Variants in FHIT observed in about 807,000 individuals in gnomAD.
FHIT encodes the protein fragile histidine triad diadenosine triphosphatase.
Under a neutral mutation model 17.9 loss-of-function variants are expected in FHIT, and 19 were observed. The ratio of observed to expected loss-of-function variants is 1.06; its 90% CI spans 0.74 to 1.56. The LOEUF is 1.56. FHIT is among the 40% of genes most tolerant of loss of function. FHIT has a pLI of 0.00. For missense variants in FHIT, 248 were observed against 189.2 expected (o/e 1.31, Z -1.82); for synonymous variants, 81 against 69.7 (o/e 1.16, Z -0.81).
intron 5 of FHIT, among the ~76,000 whole-genome samples, chr3:60,320,496 C>T (rs1048487744): frequency 2.0e-5 from 3 of 152,186 alleles, no homozygotes; most frequent in African/African-American, 7.2e-5. Flanking sequence ...GTTTTAACAG[C>T]TGTAACGCTA....
chr3:61,234,696 G>A (rs1345556750), intron 1 of FHIT, among the ~76,000 whole-genome samples: 1 of 152,084 alleles, frequency 6.6e-6, no homozygotes, highest in African/African-American at 2.4e-5. Flanking sequence ...TTCTTGTGCA[G>A]TTGGTAAGAA....
chr3:60,832,579 G>A (rs1254005850), intron 3 of FHIT, among the ~76,000 whole-genome samples: 3 of 151,872 alleles, frequency 2.0e-5, no homozygotes, highest in Admixed American at 6.6e-5. Context: ...AAACCAGCAA[G>A]AAAGAGATAC....
intron 5 of FHIT, among the ~76,000 whole-genome samples, chr3:60,191,262 T>TTATTTTTTATTAAAA (rs1702390418): frequency 1.3e-5 from 2 of 152,082 alleles, no homozygotes; most frequent in African/African-American, 4.8e-5. Flanking sequence ...ACAAAAATAA[T>TTATTTTTTATTAAAA]GCTTAAACAC....
At chr3:60,198,516 T>C (rs1474370507) in intron 5 of FHIT, among the ~76,000 whole-genome samples, 1 of 150,824 alleles carries the variant, frequency 6.6e-6, no homozygotes, top group Non-Finnish European at 1.5e-5. Flanking sequence ...AGGTGAGATA[T>C]GCAAGATAGC....
In FHIT at chr3:60,564,190, C is replaced by T. The variant is rs544506480; in HGVS notation, c.-17-27211G>A. 1.2e-4 allele frequency among the ~76,000 whole-genome samples: 18 copies of T among 152,200 alleles called. No homozygotes were observed. In the South Asian group the frequency reaches 1.7e-3, roughly 14 times the overall value. ...TGCTCTGTAAATGGAACAACAAAGC[C>T]GGGATGACAGCACATCTGTCTGTTG... is the stretch of plus-strand genomic sequence containing the variant. On this transcript the variant is annotated intron_variant, in intron 4 of 9. Coordinates refer to ENST00000492590, the MANE Select transcript of FHIT (RefSeq NM_002012.4).
intron 4 of FHIT, among the ~76,000 whole-genome samples, chr3:60,767,417 A>G (rs1220562642): frequency 3.4e-4 from 51 of 152,194 alleles, no homozygotes; most frequent in Admixed American, 2.9e-3. Flanking sequence ...GTAGGAACTT[A>G]TATTTCCCAT....
rs145200295 is a variant in FHIT at position 60,748,908 on chromosome 3, G to A, written c.-18+73011C>T. ...TACATTGTATTGTTTAAGCAATAAT[G>A]ACAAGAGAAAAAAGTCTATACATGT... On this transcript the variant is annotated intron_variant, in intron 4 of 9. Coordinates refer to ENST00000492590, the MANE Select transcript of FHIT (RefSeq NM_002012.4). Among the ~76,000 whole-genome samples the A allele has an allele frequency of 5.7e-4, 87 of 152,224 alleles. 1 individual carries two copies. In the South Asian group the frequency reaches 7.0e-3, roughly 12 times the overall value.
At chr3:60,225,740 A>C (rs1704167789) in intron 5 of FHIT, among the ~76,000 whole-genome samples, 1 of 152,206 alleles carries the variant, frequency 6.6e-6, no homozygotes, top group South Asian at 2.1e-4. Flanking sequence ...CTTTGGGATC[A>C]TCAAAACTGC....
chr3:61,135,898 A>G (rs973104949), intron 2 of FHIT, among the ~76,000 whole-genome samples: 4 of 152,216 alleles, frequency 2.6e-5, no homozygotes, highest in Non-Finnish European at 4.4e-5. Flanking sequence ...TGAAGTCAAA[A>G]AAAGCATCAT....
At chr3:59,858,624 CT>C (rs1390767852) in intron 8 of FHIT, among the ~76,000 whole-genome samples, 1 of 152,098 alleles carries the variant, frequency 6.6e-6, no homozygotes, top group East Asian at 1.9e-4. Context: ...TGCTCTGTAA[CT>C]GAACATGCAG....
chr3:60,156,033 C>T (rs79600328), intron 5 of FHIT, among the ~76,000 whole-genome samples: 3,164 of 152,158 alleles, frequency 0.021, 84 homozygotes, highest in East Asian at 0.081. Context: ...GGAACTGTTT[C>T]CTAGCTTAAA....
rs78840544 is a variant in FHIT at position 60,629,653 on chromosome 3, G to T, written c.-17-92674C>A. 4.4e-3 allele frequency among the ~76,000 whole-genome samples: 674 copies of T among 152,298 alleles called. 4 individuals are homozygous for T. Among genetic ancestry groups the T allele is most frequent in the African/African-American group, 0.016 (647 of 41,564 alleles). On this transcript the variant is annotated intron_variant, in intron 4 of 9. Transcript: ENST00000492590. ...TTTCCAACTCTATCTTTCTCTGATA[G>T]GTTCTTGTCCCTTAAAGCTGAGTAG...
At chr3:60,674,447 T>A (rs2040576928) in intron 4 of FHIT, among the ~76,000 whole-genome samples, 1 of 152,204 alleles carries the variant, frequency 6.6e-6, no homozygotes, top group Non-Finnish European at 1.5e-5. Flanking sequence ...TCTTCACACA[T>A]CCAGTAATTT....
chr3:60,502,298 C>T (rs2034555653), intron 5 of FHIT, among the ~76,000 whole-genome samples: 1 of 152,120 alleles, frequency 6.6e-6, no homozygotes, highest in Non-Finnish European at 1.5e-5. Flanking sequence ...GTCATTGCAT[C>T]TCAGTGGTCA....
intron 3 of FHIT, among the ~76,000 whole-genome samples, chr3:60,875,327 A>G (rs1220123521): frequency 4.6e-5 from 7 of 152,166 alleles, no homozygotes; most frequent in African/African-American, 1.4e-4. Flanking sequence ...CCCTGTTACA[A>G]TGTGTGACTG....
chr3:60,380,509 T>C (rs966371539), intron 5 of FHIT, among the ~76,000 whole-genome samples: 1 of 152,210 alleles, frequency 6.6e-6, no homozygotes, highest in Non-Finnish European at 1.5e-5. Context: ...AGTGTCGTTA[T>C]TTTCATTTTA....
chr3:60,004,412 C>T (rs1330090360), intron 7 of FHIT, among the ~76,000 whole-genome samples: 2 of 152,114 alleles, frequency 1.3e-5, no homozygotes, highest in African/African-American at 4.8e-5. Context: ...AAAAATTAAA[C>T]ACTAAAAGCA....
chr3:61,043,599 C>T (rs925890231), intron 2 of FHIT, among the ~76,000 whole-genome samples: 6 of 152,226 alleles, frequency 3.9e-5, no homozygotes, highest in Admixed American at 2.6e-4. Flanking sequence ...CAGACTTAAA[C>T]GTCCCTGTCT....
intron 5 of FHIT, among the ~76,000 whole-genome samples, chr3:60,458,957 T>C (rs920120099): frequency 3.9e-5 from 6 of 152,030 alleles, no homozygotes; most frequent in African/African-American, 1.4e-4. Context: ...TCTTATTTTT[T>C]TTTTTTTAGA....
Sources: allele counts gnomAD v4.1 joint callset (sites outside exome capture counted in the v4.1 genomes callset), GRCh38; gene constraint gnomAD v4.1.1; transcripts MANE v1.5; gene names NCBI Gene and HGNC (gene_info 2026-07-23, HGNC 2026-07-21).